MYRIP: variants seen among roughly 807,000 people sequenced by gnomAD.
MYRIP encodes the protein rab effector MyRIP.
In MYRIP, 49 loss-of-function variants were observed where a neutral mutation model predicts 98.0. The observed-to-expected ratio is 0.50, with a 90% CI of 0.40 to 0.63. The LOEUF (loss-of-function observed/expected upper bound fraction) is 0.63, where lower values mean the gene tolerates loss of function less well. Among genes scored for constraint, MYRIP ranks in the 30% least tolerant of loss-of-function variants. The pLI, the probability that MYRIP is intolerant of heterozygous loss-of-function variation, is 0.00. For missense variants in MYRIP, 1,004 were observed against 1,058.2 expected, an observed-to-expected ratio of 0.95 and a Z score of 0.71; for synonymous variants, 404 against 409.5, an observed-to-expected ratio of 0.99 and a Z score of 0.16.
chr3:39,945,241 G>T (rs1944872034), intron 2 of MYRIP, among the ~76,000 whole-genome samples: 1 of 149,074 alleles, frequency 6.7e-6, no homozygotes, highest in African/African-American at 2.5e-5. Context: ...AGGCTGAGGT[G>T]GGCAGATCAC....
intron 3 of MYRIP, among the ~76,000 whole-genome samples, chr3:40,069,873 C>T (rs1038327409): frequency 6.6e-6 from 1 of 152,122 alleles, no homozygotes; most frequent in Non-Finnish European, 1.5e-5. Context: ...TTTTGTGGAG[C>T]CAGTCCATGG....
At chr3:39,927,902 A>T (rs1944453929) in intron 2 of MYRIP, among the ~76,000 whole-genome samples, 1 of 152,094 alleles carries the variant, frequency 6.6e-6, no homozygotes, top group Non-Finnish European at 1.5e-5. Flanking sequence ...AATAAATGTG[A>T]TTCACCACAT....
intron 3 of MYRIP, among the ~76,000 whole-genome samples, chr3:40,124,497 G>A (rs1949478359): frequency 6.6e-6 from 1 of 152,212 alleles, no homozygotes; most frequent in Non-Finnish European, 1.5e-5. Flanking sequence ...TACATGGAGG[G>A]AGGGGACAGC....
chr3:39,970,967 A>T (rs766262696), intron 2 of MYRIP, among the ~76,000 whole-genome samples: 36 of 152,166 alleles, frequency 2.4e-4, no homozygotes, highest in Non-Finnish European at 4.1e-4. Context: ...TTTTGTTAAC[A>T]TGTATATTTC....
chr3:40,078,676 A>G (rs943982198), intron 3 of MYRIP, among the ~76,000 whole-genome samples: 2 of 152,184 alleles, frequency 1.3e-5, no homozygotes, highest in Non-Finnish European at 2.9e-5. Context: ...AACTGCTGGT[A>G]AGAGAGACTA....
intron 10 of MYRIP, 27 bp from the exon 11 acceptor site, chr3:40,209,827 C>G: frequency 5.0e-6 from 8 of 1,613,106 alleles, no homozygotes; most frequent in Non-Finnish European, 6.8e-6. Flanking sequence ...GAGGGCTCCT[C>G]ATCTCATGAT....
intron 2 of MYRIP, among the ~76,000 whole-genome samples, chr3:39,939,149 C>T (rs536203391): frequency 6.6e-6 from 1 of 152,238 alleles, no homozygotes; most frequent in Non-Finnish European, 1.5e-5. Context: ...CTCACTTTGG[C>T]TTCAAATTAA....
At chr3:40,206,484 T>G (rs1455299149) in intron 10 of MYRIP, among the ~76,000 whole-genome samples, 2 of 152,162 alleles carry the variant, frequency 1.3e-5, no homozygotes, top group Non-Finnish European at 2.9e-5. Flanking sequence ...CCAATAAAAC[T>G]TGTATGTCTT....
At chr3:39,916,522 G>A (rs1944164842) in intron 2 of MYRIP, among the ~76,000 whole-genome samples, 1 of 151,832 alleles carries the variant, frequency 6.6e-6, no homozygotes, top group South Asian at 2.1e-4. Flanking sequence ...TGATTGACAT[G>A]CCACTAAATA....
intron 2 of MYRIP, among the ~76,000 whole-genome samples, chr3:40,032,171 A>C (rs534671367): frequency 0.018 from 2,793 of 151,870 alleles, 75 homozygotes; most frequent in African/African-American, 0.063. Flanking sequence ...TGTGTCCCAG[A>C]GATTCTGGTA....
At chr3:40,218,568 CACAT>C (rs1952198023) in intron 11 of MYRIP, among the ~76,000 whole-genome samples, 2 of 74,484 alleles carry the variant, frequency 2.7e-5, no homozygotes, top group African/African-American at 5.2e-5. Context: ...TATACATACA[CACAT>C]ACACATTTAC....
At chr3:39,998,337 C>G (rs1946422770) in intron 2 of MYRIP, among the ~76,000 whole-genome samples, 1 of 152,204 alleles carries the variant, frequency 6.6e-6, no homozygotes, top group South Asian at 2.1e-4. Context: ...AGCAAAGTCT[C>G]AGGATACAAA....
intron 3 of MYRIP, among the ~76,000 whole-genome samples, chr3:40,060,871 G>T (rs530972507): frequency 5.8e-4 from 88 of 152,204 alleles, no homozygotes; most frequent in African/African-American, 2.0e-3. Flanking sequence ...GGGATTACAG[G>T]CATGAGGCAC....
intron 3 of MYRIP, among the ~76,000 whole-genome samples, chr3:40,143,248 A>C (rs1426492847): frequency 6.6e-6 from 1 of 152,256 alleles, no homozygotes; most frequent in African/African-American, 2.4e-5. Flanking sequence ...GTCCATGCAC[A>C]GACGCAGGAT....
intron 3 of MYRIP, among the ~76,000 whole-genome samples, chr3:40,080,791 C>CTTTTTTTTTTTTTTTTTTT (rs34610302): frequency 1.2e-3 from 112 of 93,814 alleles, no homozygotes; most frequent in Admixed American, 1.6e-3. Flanking sequence ...ATCCTAACTT[C>CTTTTTTTTTTTTTTTTTTT]TTTTTTTTTT....
chr3:40,011,981 C>T (rs988754260), intron 2 of MYRIP, among the ~76,000 whole-genome samples: 2 of 152,090 alleles, frequency 1.3e-5, no homozygotes, highest in South Asian at 2.1e-4. Flanking sequence ...TATATACTTA[C>T]TTATAAACAC....
At chr3:40,021,559 C>A (rs996935563) in intron 2 of MYRIP, among the ~76,000 whole-genome samples, 3 of 152,134 alleles carry the variant, frequency 2.0e-5, no homozygotes, top group Non-Finnish European at 4.4e-5. Context: ...TTACAACAAC[C>A]AAGAGCGTGA....
At chr3:39,936,792 T>C (rs1318430459) in intron 2 of MYRIP, among the ~76,000 whole-genome samples, 1 of 152,176 alleles carries the variant, frequency 6.6e-6, no homozygotes, top group Non-Finnish European at 1.5e-5. Context: ...TTGTGACTTA[T>C]ATTTAACTTT....
intron 3 of MYRIP, among the ~76,000 whole-genome samples, chr3:40,071,865 C>T (rs971646083): frequency 2.6e-5 from 4 of 152,112 alleles, no homozygotes; most frequent in African/African-American, 9.7e-5. Context: ...TCATTTCTTG[C>T]CTTTCACAGG....
Sources: gnomAD v4.1 joint callset for allele counts (sites outside exome capture counted in the v4.1 genomes callset) on GRCh38, gnomAD v4.1.1 for gene constraint, MANE v1.5 for transcripts, NCBI Gene and HGNC (gene_info 2026-07-23, HGNC 2026-07-21) for gene names.